Variants in PDHX observed in about 807,000 individuals in gnomAD.
PDHX encodes the protein pyruvate dehydrogenase complex component X.
Under a neutral mutation model 55.3 loss-of-function variants are expected in PDHX, and 33 were observed. The observed-to-expected ratio is 0.60, with a 90% CI of 0.45 to 0.80. The LOEUF is 0.80. Ranked by LOEUF, PDHX falls within the 30% of genes least tolerant of loss-of-function variation. The probability of loss-of-function intolerance (pLI) is 0.00; values close to 1 mark genes in which losing one functional copy is unlikely to be tolerated. For missense variants in PDHX, 622 were observed against 619.9 expected, an observed-to-expected ratio of 1.00 and a Z score of -0.04; for synonymous variants, 226 against 219.4, an observed-to-expected ratio of 1.03 and a Z score of -0.27.
intron 9 of PDHX, among the ~76,000 whole-genome samples, chr11:34,988,160 G>A (rs927572155): frequency 2.0e-4 from 30 of 152,280 alleles, no homozygotes; most frequent in African/African-American, 7.2e-4. Flanking sequence ...TATGAATATA[G>A]TATTTGTAAT....
intron 1 of PDHX, among the ~76,000 whole-genome samples, chr11:34,920,434 A>T (rs1164812601): frequency 6.6e-6 from 1 of 152,208 alleles, no homozygotes; most frequent in East Asian, 1.9e-4. Flanking sequence ...TAATCTAGGA[A>T]GTTATAAAAG....
At chr11:34,984,548 A>T (rs1457695794) in intron 8 of PDHX, 22 bp from the exon 9 acceptor site, 1 of 1,612,708 alleles carries the variant, frequency 6.2e-7, no homozygotes, top group Admixed American at 1.7e-5. Flanking sequence ...TTTTAGTAAC[A>T]TTTTTCTTTT....
chr11:34,937,488 A>C (rs1854361449), intron 2 of PDHX, among the ~76,000 whole-genome samples: 2 of 147,310 alleles, frequency 1.4e-5, no homozygotes. Context: ...GGAGCAAGGA[A>C]GGGAAATCAA....
Position 34,968,853 on chromosome 11 carries a change from A to G in PDHX, c.817-1286A>G, listed in dbSNP as rs77562841. 8.5e-4 allele frequency among the ~76,000 whole-genome samples: 129 copies of G among 152,224 alleles called. 1 individual carries two copies. The East Asian group carries it at 0.02, about 24-fold the overall frequency. ...TTGAGACACACTTCATTTTAAAACAATCTTCTCAAATTTATTGAGATTTAT... is the reference window on the plus strand; with the variant it reads ...TTGAGACACACTTCATTTTAAAACAGTCTTCTCAAATTTATTGAGATTTAT... On this transcript the variant is annotated intron_variant, in intron 6 of 10. Transcript: ENST00000227868.
intron 2 of PDHX, among the ~76,000 whole-genome samples, chr11:34,946,978 G>C (rs917002505): frequency 6.6e-6 from 1 of 152,152 alleles, no homozygotes; most frequent in African/African-American, 2.4e-5. Flanking sequence ...GCAGAGAAAT[G>C]ATCTGTATTT....
intron 7 of PDHX, among the ~76,000 whole-genome samples, chr11:34,971,340 G>C (rs1043586017): frequency 6.6e-6 from 1 of 152,002 alleles, no homozygotes; most frequent in Non-Finnish European, 1.5e-5. Flanking sequence ...CCTCTGTCTG[G>C]TATAATGAAT....
intron 3 of PDHX, among the ~76,000 whole-genome samples, chr11:34,956,528 G>A (rs565541591): frequency 7.2e-5 from 11 of 152,146 alleles, no homozygotes; most frequent in African/African-American, 2.6e-4. Flanking sequence ...TTCCAGGAGT[G>A]AACTTATAAA....
At chr11:34,990,238 G>A (rs1855729645) in intron 9 of PDHX, among the ~76,000 whole-genome samples, 1 of 152,162 alleles carries the variant, frequency 6.6e-6, no homozygotes, top group Non-Finnish European at 1.5e-5. Context: ...TTAATGAATA[G>A]CAAGGCATTC....
chr11:34,988,301 C>G (rs1855693872), intron 9 of PDHX, among the ~76,000 whole-genome samples: 1 of 152,082 alleles, frequency 6.6e-6, no homozygotes, highest in South Asian at 2.1e-4. Flanking sequence ...TATTAATCCT[C>G]TTTAAAACCA....
rs61752927 is a variant in PDHX, at chr11:34,960,499, C to A, written c.622C>A (p.Arg208=). The A allele has an allele frequency of 6.2e-7, 1 of 1,603,372 alleles. No individual in the cohort carries two copies. Among genetic ancestry groups the A allele is most frequent in the Admixed American group, 1.7e-5 (1 of 59,976 alleles). Residue 208 remains arginine, a synonymous_variant, in exon 5 of 11, where the codon CGG becomes AGG. Transcript: ENST00000227868. The part of the protein sequence containing the change: ...DASQGTATGP[R]GIFTKEDALK... ...TAGCCAGGGCACAGCCACTGGCCCT[C>A]GGGGGATATTCACTAAAGAGTATGT...
intron 5 of PDHX, among the ~76,000 whole-genome samples, chr11:34,964,333 G>T (rs1027473672): frequency 3.9e-5 from 6 of 152,324 alleles, no homozygotes; most frequent in South Asian, 4.1e-4. Flanking sequence ...ACCAGGTGCA[G>T]TGACTCACAC....
rs2133973260 is a variant in PDHX, at chr11:34,957,862, T to G, written c.542+279T>G. ...GTATGTGTCCATGTTGAGGTTGAATTAGGTTTTAGAAGTCTAAAATGGTAT... is the reference window on the plus strand; with the variant it reads ...GTATGTGTCCATGTTGAGGTTGAATGAGGTTTTAGAAGTCTAAAATGGTAT... On this transcript the variant is annotated intron_variant, in intron 4 of 10. Coordinates refer to ENST00000227868, the MANE Select transcript of PDHX (RefSeq NM_003477.3). 1.3e-5 allele frequency among the ~76,000 whole-genome samples: 2 copies of G among 152,300 alleles called. 1 individual carries two copies. Among genetic ancestry groups the G allele is most frequent in the South Asian group, 4.1e-4 (2 of 4,826 alleles).
intron 7 of PDHX, among the ~76,000 whole-genome samples, chr11:34,971,306 C>T (rs892336909): frequency 6.6e-6 from 1 of 151,916 alleles, no homozygotes; most frequent in African/African-American, 2.4e-5. Flanking sequence ...ATATTATTTT[C>T]TTGTCTTATT....
chr11:34,965,698 G>C (rs1194602348), intron 5 of PDHX, among the ~76,000 whole-genome samples: 1 of 152,020 alleles, frequency 6.6e-6, no homozygotes, highest in African/African-American at 2.4e-5. Flanking sequence ...ATAAGTAAAG[G>C]GGTCTTCTCA....
intron 1 of PDHX, among the ~76,000 whole-genome samples, chr11:34,919,667 T>C (rs1363593920): frequency 6.6e-6 from 1 of 152,222 alleles, no homozygotes; most frequent in Non-Finnish European, 1.5e-5. Context: ...TATATATTTA[T>C]ATACATATAT....
rs146445744 is a variant in PDHX at position 34,960,517 on chromosome 11, G to C, written c.640G>C (p.Glu214Gln). The C allele has an allele frequency of 3.1e-4, 486 of 1,570,646 alleles. 2 individuals are homozygous for C. The highest frequency in any genetic ancestry group is 5.1e-5 in the Non-Finnish European group (58 of 1,140,952). ...TGGCCCTCGGGGGATATTCACTAAA[G>C]AGTATGTGTTTGCTTTTTGTAATAA... The part of the protein sequence containing the change: ...ATGPRGIFTK[E>Q]DALKLVQLKQ... The change falls in exon 5 of 11, where the codon GAG becomes CAG. Residue 214 changes from glutamate (E) to glutamine (Q), a missense_variant and splice_region_variant. Coordinates refer to ENST00000227868, the MANE Select transcript of PDHX (RefSeq NM_003477.3).
At chr11:34,934,439 G>A (rs1444097462) in intron 2 of PDHX, among the ~76,000 whole-genome samples, 2 of 152,082 alleles carry the variant, frequency 1.3e-5, no homozygotes, top group Admixed American at 6.6e-5. Flanking sequence ...GGGGGAGGAA[G>A]GTGGGGGAAC....
chr11:34,932,637 A>C (rs1490066101), intron 2 of PDHX, among the ~76,000 whole-genome samples: 1 of 152,182 alleles, frequency 6.6e-6, no homozygotes, highest in African/African-American at 2.4e-5. Flanking sequence ...ACATTGCTGG[A>C]GGAAATGCTA....
intron 9 of PDHX, among the ~76,000 whole-genome samples, chr11:34,986,321 A>G (rs1855641372): frequency 8.3e-6 from 1 of 121,120 alleles, no homozygotes; most frequent in African/African-American, 2.7e-5. Flanking sequence ...AAAAAAAAAA[A>G]AAAAAGAAAG....
Sources: allele counts gnomAD v4.1 joint callset (sites outside exome capture counted in the v4.1 genomes callset), GRCh38; gene constraint gnomAD v4.1.1; transcripts MANE v1.5; gene names NCBI Gene and HGNC (gene_info 2026-07-23, HGNC 2026-07-21).